Variants in NTM observed in about 807,000 individuals in gnomAD.
The protein encoded by NTM is IgLON family member 2.
Under a neutral mutation model 42.1 loss-of-function variants are expected in NTM, and 13 were observed. That is an observed-to-expected ratio of 0.31 (90% CI 0.20 to 0.49). The LOEUF (loss-of-function observed/expected upper bound fraction) is 0.49, where lower values mean the gene tolerates loss of function less well. Ranked by LOEUF, NTM falls within the 20% of genes least tolerant of loss-of-function variation. The pLI, the probability that NTM is intolerant of heterozygous loss-of-function variation, is 0.99. For missense variants in NTM, 373 were observed against 452.8 expected, an observed-to-expected ratio of 0.82 and a Z score of 1.60; for synonymous variants, 187 against 179.2, an observed-to-expected ratio of 1.04 and a Z score of -0.35.
chr11:131,711,960 C>T (rs1393237045), intron 1 of NTM, among the ~76,000 whole-genome samples: 3 of 117,316 alleles, frequency 2.6e-5, no homozygotes, highest in Non-Finnish European at 3.2e-5. Flanking sequence ...GGAAGGGGAA[C>T]ATCACACTCT....
At chr11:131,645,118 T>C (rs2065613695) in intron 1 of NTM, among the ~76,000 whole-genome samples, 1 of 152,178 alleles carries the variant, frequency 6.6e-6, no homozygotes, top group African/African-American at 2.4e-5. Flanking sequence ...ATAGTAAGTA[T>C]ACCTCACAAT....
chr11:132,098,767 C>A (rs2136515526), intron 2 of NTM, among the ~76,000 whole-genome samples: 1 of 152,342 alleles, frequency 6.6e-6, no homozygotes, highest in African/African-American at 2.4e-5. Flanking sequence ...TAGCCCCAAC[C>A]TGGGGTTGAT....
chr11:131,848,473 C>T (rs963829453), intron 1 of NTM, among the ~76,000 whole-genome samples: 11 of 152,140 alleles, frequency 7.2e-5, no homozygotes, highest in African/African-American at 2.7e-4. Context: ...ATTCAGCTGC[C>T]TGCCAGGCTA....
At chr11:131,625,594 T>C (rs548805762) in intron 1 of NTM, among the ~76,000 whole-genome samples, 2 of 151,536 alleles carry the variant, frequency 1.3e-5, no homozygotes, top group African/African-American at 4.8e-5. Flanking sequence ...CCCAATAACA[T>C]ACATATAGCC....
At chr11:131,736,460 C>T (rs881369) in intron 1 of NTM, among the ~76,000 whole-genome samples, 3,696 of 152,292 alleles carry the variant, frequency 0.024, 151 homozygotes, top group African/African-American at 0.084. Context: ...GGTCCAAACT[C>T]TTCTCCACTT....
intron 1 of NTM, among the ~76,000 whole-genome samples, chr11:131,505,277 AC>A (rs1382122072): frequency 1.3e-5 from 2 of 152,194 alleles, no homozygotes; most frequent in Non-Finnish European, 2.9e-5. Flanking sequence ...AGTAATGCTA[AC>A]AACGATCATT....
chr11:131,414,475 A>C (rs533222232), intron 1 of NTM, among the ~76,000 whole-genome samples: 2 of 152,270 alleles, frequency 1.3e-5, no homozygotes, highest in East Asian at 3.9e-4. Flanking sequence ...TGTGCAGATC[A>C]GGGCAGCAGG....
chr11:131,890,158 C>CTCTCTCTGTA (rs753017210), intron 1 of NTM, among the ~76,000 whole-genome samples: 13,300 of 58,752 alleles, frequency 0.23, 2,041 homozygotes, highest in African/African-American at 0.44. Flanking sequence ...CTCTCTCTGT[C>CTCTCTCTGTA]TCTCTCTCTC....
intron 1 of NTM, among the ~76,000 whole-genome samples, chr11:131,679,764 T>C (rs1358647237): frequency 6.6e-6 from 1 of 152,096 alleles, no homozygotes; most frequent in East Asian, 1.9e-4. Context: ...CAGATAATAC[T>C]GACTTGGAAA....
chr11:131,500,511 G>A (rs1446851890), intron 1 of NTM, among the ~76,000 whole-genome samples: 1 of 146,824 alleles, frequency 6.8e-6, no homozygotes, highest in Non-Finnish European at 1.5e-5. Context: ...GAAAGGTGAA[G>A]TCATTTGCTT....
chr11:132,089,928 TATA>T (rs1566132120), intron 2 of NTM, among the ~76,000 whole-genome samples: 1 of 152,226 alleles, frequency 6.6e-6, no homozygotes, highest in Non-Finnish European at 1.5e-5. Context: ...AGGTTTTTTT[TATA>T]ATAAGTATTT....
chr11:132,161,239 T>A lies in NTM; in HGVS notation c.400+14725T>A, dbSNP rs376217181. On this transcript the variant is annotated intron_variant, in intron 3 of 8. Transcript: ENST00000683400. ...ATGGATTCTCCCCCACTGGAGTGAG[T>A]GCAGCACCCTGTTTAGAAGATCGGC... is the stretch of plus-strand genomic sequence containing the variant. Among the ~76,000 whole-genome samples, 44 of 152,182 alleles carry A rather than the reference T, an allele frequency of 2.9e-4. 1 individual carries two copies. Among genetic ancestry groups the A allele is most frequent in the African/African-American group, 9.2e-4 (38 of 41,530 alleles).
At chr11:131,883,645 C>A (rs767903279) in intron 1 of NTM, among the ~76,000 whole-genome samples, 7 of 152,144 alleles carry the variant, frequency 4.6e-5, no homozygotes, top group African/African-American at 1.2e-4. Context: ...ACCCCCATAC[C>A]GTGCACATTC....
intron 1 of NTM, among the ~76,000 whole-genome samples, chr11:131,502,575 G>T (rs935655060): frequency 1.3e-5 from 2 of 152,078 alleles, no homozygotes; most frequent in Non-Finnish European, 2.9e-5. Flanking sequence ...TGAGGAGTCG[G>T]GGCCCATGCT....
chr11:132,169,713 G>A lies in NTM; in HGVS notation c.400+23199G>A, dbSNP rs76479688. Reference sequence around the variant, plus strand: ...GGGTTGGTGATTTTAAAGATAAGAAGCAGAATACTGACAGACAAGCATGAG... The same window carrying A: ...GGGTTGGTGATTTTAAAGATAAGAAACAGAATACTGACAGACAAGCATGAG... On this transcript the variant is annotated intron_variant, in intron 3 of 8. Coordinates refer to ENST00000683400, the MANE Select transcript of NTM (RefSeq NM_001352005.2). 2.9e-3 allele frequency among the ~76,000 whole-genome samples: 440 copies of A among 152,214 alleles called. No homozygotes were observed. In the Middle Eastern group the frequency reaches 0.034, roughly 12 times the overall value.
chr11:132,095,939 T>C (rs556645270), intron 2 of NTM, among the ~76,000 whole-genome samples: 1 of 152,318 alleles, frequency 6.6e-6, no homozygotes, highest in East Asian at 1.9e-4. Context: ...TTGGAGTTGA[T>C]TAGTTCCAGT....
chr11:131,420,663 C>T (rs1166168292), intron 1 of NTM, among the ~76,000 whole-genome samples: 1 of 152,130 alleles, frequency 6.6e-6, no homozygotes, highest in African/African-American at 2.4e-5. Flanking sequence ...CTCATGCATC[C>T]CTGGCTCTTT....
At chr11:132,057,142 C>T (rs908003345) in intron 2 of NTM, among the ~76,000 whole-genome samples, 6 of 152,156 alleles carry the variant, frequency 3.9e-5, no homozygotes, top group African/African-American at 4.8e-5. Flanking sequence ...TAGCCTCAAT[C>T]GGGTGCTTAT....
intron 1 of NTM, among the ~76,000 whole-genome samples, chr11:131,865,192 C>G (rs1328817913): frequency 2.0e-5 from 3 of 152,212 alleles, no homozygotes; most frequent in Non-Finnish European, 4.4e-5. Context: ...TTAGAAAGAT[C>G]GAGTAGCCTA....
Sources: gnomAD v4.1 joint callset for allele counts (sites outside exome capture counted in the v4.1 genomes callset) on GRCh38, gnomAD v4.1.1 for gene constraint, MANE v1.5 for transcripts, NCBI Gene and HGNC (gene_info 2026-07-23, HGNC 2026-07-21) for gene names.